The following DBT variants were observed in gnomAD, a reference collection of about 807,000 sequenced individuals.
DBT encodes lipoamide acyltransferase component of branched-chain alpha-keto acid dehydrogenase complex, mitochondrial.
DBT carries 40 observed loss-of-function variants against 51.3 expected under a neutral mutation model. The ratio of observed to expected loss-of-function variants is 0.78; its 90% CI spans 0.61 to 1.02. The LOEUF (loss-of-function observed/expected upper bound fraction) is 1.02. Ranked by LOEUF, DBT falls within the 50% of genes least tolerant of loss-of-function variation. The pLI is 0.00. For synonymous variants in DBT, 181 were observed against 190.4 expected, an observed-to-expected ratio of 0.95 and a Z score of 0.41; for missense variants, 510 against 580.2, an observed-to-expected ratio of 0.88 and a Z score of 1.24.
intron 4 of DBT, among the ~76,000 whole-genome samples, chr1:100,219,459 G>A (rs1225511826): frequency 1.3e-5 from 2 of 152,142 alleles, no homozygotes; most frequent in East Asian, 3.9e-4. Context: ...GAAAGAATGG[G>A]CTGGGCACAA....
At chr1:100,215,028 C>A (rs1369033762) in intron 6 of DBT, 45 bp from the exon 7 acceptor site, 6 of 1,293,106 alleles carry the variant, frequency 4.6e-6, no homozygotes, top group Admixed American at 2.4e-5. Flanking sequence ...ATTCTCAAAT[C>A]TCTTCATCCT....
chr1:100,249,330 C>G, intron 1 of DBT: 1 of 248,534 alleles, frequency 4.0e-6, no homozygotes, highest in South Asian at 4.9e-5. Flanking sequence ...GGGACCCCTG[C>G]TGATATTCTA....
intron 4 of DBT, among the ~76,000 whole-genome samples, chr1:100,227,020 C>T (rs902854761): frequency 6.6e-6 from 1 of 152,130 alleles, no homozygotes; most frequent in African/African-American, 2.4e-5. Flanking sequence ...GATGGTATAG[C>T]CTACTACGCA....
Position 100,206,290 on chromosome 1 carries a change from G to GT in DBT, c.1220_1221insA (p.Phe408LeufsTer10). 1.9e-5 allele frequency: 30 copies of GT among 1,610,248 alleles called. No homozygotes were observed. Among genetic ancestry groups the GT allele is most frequent in the Non-Finnish European group, 2.5e-5 (30 of 1,178,692 alleles). ...GTGGCATTATCACTGGTTTGGCAAAGGTACCACCAATCTATTTTTTAAAAA... is the reference window on the plus strand; with the variant it reads ...GTGGCATTATCACTGGTTTGGCAAAGTGTACCACCAATCTATTTTTTAAAAA... On this transcript the variant is annotated frameshift_variant, in exon 10 of 11. Coordinates refer to ENST00000370132, the MANE Select transcript of DBT (RefSeq NM_001918.5). LOFTEE classifies it high-confidence loss of function.
intron 1 of DBT, among the ~76,000 whole-genome samples, chr1:100,243,130 G>C (rs955297694): frequency 1.3e-5 from 2 of 151,388 alleles, no homozygotes; most frequent in African/African-American, 4.9e-5. Context: ...GCTGGACATG[G>C]TGGCACACGT....
chr1:100,231,694 T>A (rs964296113), intron 3 of DBT, among the ~76,000 whole-genome samples: 1 of 152,260 alleles, frequency 6.6e-6, no homozygotes, highest in South Asian at 2.1e-4. Context: ...TCCAGAATGA[T>A]GGATTAAAGA....
At chr1:100,196,573 T>A (rs182691937) in intron 10 of DBT, 151 bp from the exon 11 acceptor site, 1 of 1,214,952 alleles carries the variant, frequency 8.2e-7, no homozygotes, top group Non-Finnish European at 1.1e-6. Context: ...CCAATGACTT[T>A]TGAAAATGCT....
At chr1:100,213,642 G>A in intron 7 of DBT, 1 of 1,609,958 alleles carries the variant, frequency 6.2e-7, no homozygotes, top group Non-Finnish European at 8.5e-7. Flanking sequence ...GAGCGAAGAT[G>A]CCCCAACTGT....
At chr1:100,236,640 A>C (rs984311383) in intron 2 of DBT, among the ~76,000 whole-genome samples, 2 of 152,224 alleles carry the variant, frequency 1.3e-5, no homozygotes, top group Admixed American at 1.3e-4. Context: ...AGCATTAACA[A>C]TCAAAAGCAT....
intron 6 of DBT, among the ~76,000 whole-genome samples, chr1:100,215,495 G>C (rs1310606365): frequency 1.3e-5 from 2 of 152,156 alleles, no homozygotes; most frequent in South Asian, 2.1e-4. Context: ...TAAATTGTAA[G>C]TGTTTCCTGG....
intron 7 of DBT, chr1:100,213,641 T>C (rs1662297488): frequency 3.7e-6 from 6 of 1,609,838 alleles, no homozygotes. Flanking sequence ...GGAGCGAAGA[T>C]GCCCCAACTG....
chr1:100,220,722 AAGGTG>A lies in DBT; in HGVS notation c.434-1980_434-1976del, dbSNP rs1662800691. On this transcript the variant is annotated intron_variant, in intron 4 of 10. Transcript: ENST00000370132. The stretch of plus-strand genomic sequence containing the variant: ...GAGGTTTGACTGAACAGATTGGCTC[AAGGTG>A]AGACACCTAATAAATCTAAGAGCTG... 2.6e-5 allele frequency among the ~76,000 whole-genome samples: 4 copies of A among 152,364 alleles called. No individual in the cohort carries two copies. The South Asian group carries it at 8.3e-4, about 32-fold the overall frequency.
chr1:100,236,184 A>T (rs546071631), intron 2 of DBT, among the ~76,000 whole-genome samples: 48 of 152,080 alleles, frequency 3.2e-4, no homozygotes, highest in African/African-American at 1.0e-3. Context: ...TACAGCCTCA[A>T]ACTCCTGGGC....
rs1662082563 is a variant in DBT, at chr1:100,210,684, C to T, written c.1017+10G>A. ...TAATAATAAGAACATTTTTACTCTGCATAGCCAACCTTATATGTTATATTC... is the reference window on the plus strand; with the variant it reads ...TAATAATAAGAACATTTTTACTCTGTATAGCCAACCTTATATGTTATATTC... On this transcript the variant is annotated intron_variant, in intron 8 of 10. Transcript: ENST00000370132. 6.2e-7 allele frequency: 1 copy of T among 1,613,098 alleles called. No individual in the cohort carries two copies. The highest frequency in any genetic ancestry group is 8.5e-7 in the Non-Finnish European group (1 of 1,179,228).
In DBT at chr1:100,195,121, T is replaced by C. The variant is rs1013664323; in HGVS notation, c.*1134A>G. ...CTTACCCAGGATATGGAGAATGGAA[T>C]AGACCTTAATTTCTTATCCTATTTT... On this transcript the variant is annotated 3_prime_UTR_variant, in exon 11 of 11. Coordinates refer to ENST00000370132, the MANE Select transcript of DBT (RefSeq NM_001918.5). 1 of 152,590 alleles carries C rather than the reference T, an allele frequency of 6.6e-6. No individual in the cohort carries two copies. Among genetic ancestry groups the C allele is most frequent in the Non-Finnish European group, 1.5e-5 (1 of 68,036 alleles). The allele number at this position is 152,590 out of a possible 1,614,324, so 9.5% of individuals were successfully genotyped here.
Position 100,239,851 on chromosome 1 carries a change from C to CA in DBT, c.175+909dup, listed in dbSNP as rs56661922. On this transcript the variant is annotated intron_variant, in intron 2 of 10. Transcript: ENST00000370132. The stretch of plus-strand genomic sequence containing the variant: ...GCACTCCAGCCTGAGCAACAGAGCT[C>CA]AAAAAAAAAAAAAAAAAAAAAAAAA... Among the ~76,000 whole-genome samples the CA allele has an allele frequency of 3.2e-3, 358 of 110,980 alleles. 11 individuals are homozygous for CA. Among genetic ancestry groups the CA allele is most frequent in the African/African-American group, 9.6e-3 (249 of 26,070 alleles). 72.8% of individuals were successfully genotyped at this position (110,980 alleles called of 152,430 possible). A position where few individuals can be genotyped will look rare whatever the true frequency, so the allele number is the denominator to read the frequency against.
At chr1:100,213,791 G>A in intron 7 of DBT, 2 of 1,451,260 alleles carry the variant, frequency 1.4e-6, no homozygotes, top group Non-Finnish European at 1.8e-6. Flanking sequence ...TGGGACCGAT[G>A]TGGCACACGC....
chr1:100,243,564 C>T (rs764066768), intron 1 of DBT, among the ~76,000 whole-genome samples: 2 of 151,990 alleles, frequency 1.3e-5, no homozygotes, highest in Non-Finnish European at 2.9e-5. Flanking sequence ...TCAGGCAATC[C>T]GCCCACCTTG....
chr1:100,218,265 T>A (rs6577157), intron 5 of DBT, among the ~76,000 whole-genome samples: 1 of 152,064 alleles, frequency 6.6e-6, no homozygotes, highest in African/African-American at 2.4e-5. Context: ...TTTTTTATCT[T>A]GCTTCCTTCA....
Sources: gnomAD v4.1 joint callset for allele counts (sites outside exome capture counted in the v4.1 genomes callset) on GRCh38, gnomAD v4.1.1 for gene constraint, MANE v1.5 for transcripts, NCBI Gene and HGNC (gene_info 2026-07-23, HGNC 2026-07-21) for gene names.